The following TLK1 variants were observed in gnomAD, a reference collection of about 807,000 sequenced individuals.
The protein encoded by TLK1 is tousled like kinase 1, also known as serine/threonine-protein kinase tousled-like 1.
TLK1 carries 24 observed loss-of-function variants against 105.3 expected under a neutral mutation model. That is an observed-to-expected ratio of 0.23 (90% CI 0.17 to 0.32). The LOEUF is 0.32. Ranked by LOEUF, TLK1 falls within the 10% of genes least tolerant of loss-of-function variation. The probability of loss-of-function intolerance (pLI) is 1.00; values close to 1 mark genes in which losing one functional copy is unlikely to be tolerated. For synonymous variants in TLK1, 321 were observed against 310.4 expected (o/e 1.03, Z -0.36); for missense variants, 558 against 910.5 (o/e 0.61, Z 4.98).
In TLK1 at chr2:171,115,170, C is replaced by CTTTTTTTTTT. The variant is rs373796060; in HGVS notation, c.258+2568_258+2569insAAAAAAAAAA. On this transcript the variant is annotated intron_variant, in intron 2 of 20. Coordinates refer to ENST00000431350, the MANE Select transcript of TLK1 (RefSeq NM_012290.5). ...ATCTTGCTTCATCTTTTAAGAATTT[C>CTTTTTTTTTT]TTTCTTTTTTTTTTTTTTGAGACTG... Among the ~76,000 whole-genome samples the CTTTTTTTTTT allele has an allele frequency of 7.6e-4, 103 of 135,760 alleles. 12 individuals are homozygous for CTTTTTTTTTT. The highest frequency in any genetic ancestry group is 1.8e-3 in the African/African-American group (61 of 33,168). 89.1% of individuals were successfully genotyped at this position (135,760 alleles called of 152,430 possible). A position where few individuals can be genotyped will look rare whatever the true frequency, so the allele number is the denominator to read the frequency against.
intron 13 of TLK1, among the ~76,000 whole-genome samples, chr2:171,012,668 G>A (rs997225352): frequency 4.6e-5 from 7 of 152,062 alleles, no homozygotes; most frequent in Non-Finnish European, 1.0e-4. Context: ...TAATAAAGAC[G>A]GGGTTTCACC....
chr2:171,225,255 G>A (rs935583984), intron 1 of TLK1, among the ~76,000 whole-genome samples: 1 of 152,104 alleles, frequency 6.6e-6, no homozygotes, highest in Non-Finnish European at 1.5e-5. Context: ...GGTCTTGTAT[G>A]CAGAATATAT....
Position 170,991,238 on chromosome 2 carries a change from G to C in TLK1, c.*2542C>G, listed in dbSNP as rs1264228017. On this transcript the variant is annotated 3_prime_UTR_variant, in exon 21 of 21. Transcript: ENST00000431350. The stretch of plus-strand genomic sequence containing the variant: ...CCTTGGCTATCATCTTAGGGATGCA[G>C]GACATGCTTTAATTCTGAGGACAGA... 1 of 152,136 alleles carries C rather than the reference G, an allele frequency of 6.6e-6. No individual in the cohort carries two copies. The highest frequency in any genetic ancestry group is 1.5e-5 in the Non-Finnish European group (1 of 68,038). 9.4% of individuals were successfully genotyped at this position (152,136 alleles called of 1,614,324 possible).
intron 1 of TLK1, among the ~76,000 whole-genome samples, chr2:171,223,301 C>A (rs1179023347): frequency 6.6e-6 from 1 of 152,142 alleles, no homozygotes; most frequent in Non-Finnish European, 1.5e-5. Context: ...TTAATCCTCA[C>A]CAGCATCCAT....
intron 1 of TLK1, among the ~76,000 whole-genome samples, chr2:171,221,874 C>G (rs1297795363): frequency 2.6e-5 from 4 of 152,184 alleles, no homozygotes. Context: ...CTTATTTAAC[C>G]ATTATTACCT....
At chr2:171,168,516 A>G (rs558181993) in intron 1 of TLK1, among the ~76,000 whole-genome samples, 58 of 152,322 alleles carry the variant, frequency 3.8e-4, no homozygotes, top group African/African-American at 1.3e-3. Context: ...CATGCCTGTA[A>G]TCCCAGGACT....
At chr2:171,030,706 A>G (rs1171880761) in intron 11 of TLK1, among the ~76,000 whole-genome samples, 1 of 152,210 alleles carries the variant, frequency 6.6e-6, no homozygotes, top group Admixed American at 6.5e-5. Flanking sequence ...AGTAGGCCAT[A>G]GTATGGGCTC....
chr2:171,181,422 G>A (rs2105307908), intron 1 of TLK1, among the ~76,000 whole-genome samples: 1 of 152,312 alleles, frequency 6.6e-6, no homozygotes, highest in African/African-American at 2.4e-5. Context: ...GCATCAAAGA[G>A]TTTCTACGTC....
intron 14 of TLK1, among the ~76,000 whole-genome samples, chr2:171,010,880 T>C (rs558369686): frequency 6.6e-6 from 1 of 152,316 alleles, no homozygotes; most frequent in South Asian, 2.1e-4. Context: ...TGACTAGGTA[T>C]CAAATATCAC....
chr2:171,104,685 G>A (rs1307458687), intron 2 of TLK1, among the ~76,000 whole-genome samples: 1 of 152,182 alleles, frequency 6.6e-6, no homozygotes, highest in African/African-American at 2.4e-5. Flanking sequence ...TGGCCAGGCT[G>A]GTCTCAAACT....
At chr2:171,172,297 T>A (rs1334329796) in intron 1 of TLK1, among the ~76,000 whole-genome samples, 1 of 152,228 alleles carries the variant, frequency 6.6e-6, no homozygotes. Flanking sequence ...GGTAATGTTC[T>A]GTTTCTTAGT....
At chr2:171,149,971 A>C (rs1259042849) in intron 1 of TLK1, among the ~76,000 whole-genome samples, 3 of 152,190 alleles carry the variant, frequency 2.0e-5, no homozygotes, top group African/African-American at 7.2e-5. Flanking sequence ...ACTGTATAAT[A>C]AAAATTTTTA....
intron 13 of TLK1, among the ~76,000 whole-genome samples, chr2:171,012,785 T>C (rs772999659): frequency 7.9e-5 from 12 of 152,174 alleles, no homozygotes; most frequent in East Asian, 3.9e-4. Flanking sequence ...CCAAAATACA[T>C]TGTATTTTAT....
rs76618694 is a variant in TLK1 at position 171,221,858 on chromosome 2, T to C, written c.-6+9287A>G. Reference sequence around the variant, plus strand: ...CTATCCGGTTAGGGCCCTACCCTTATTGGGCCTTATTTAACCATTATTACC... The same window carrying C: ...CTATCCGGTTAGGGCCCTACCCTTACTGGGCCTTATTTAACCATTATTACC... On this transcript the variant is annotated intron_variant, in intron 1 of 20. Coordinates refer to the TLK1 transcript ENST00000521943. Among the ~76,000 whole-genome samples the C allele has an allele frequency of 2.6e-3, 400 of 152,336 alleles. 12 individuals are homozygous for C. In the East Asian group the frequency reaches 0.073, roughly 28 times the overall value.
intron 8 of TLK1, among the ~76,000 whole-genome samples, chr2:171,053,551 C>T (rs1337949505): frequency 3.9e-5 from 6 of 151,996 alleles, no homozygotes; most frequent in Non-Finnish European, 8.8e-5. Flanking sequence ...TTAGTAGAAA[C>T]GGGGTTTCAC....
At chr2:171,146,459 T>C (rs532804846) in intron 1 of TLK1, among the ~76,000 whole-genome samples, 2 of 152,320 alleles carry the variant, frequency 1.3e-5, no homozygotes, top group South Asian at 2.1e-4. Flanking sequence ...GAACAACTGG[T>C]ATTGAATTCA....
At chr2:171,189,993 A>G in intron 1 of TLK1, among the ~76,000 whole-genome samples, 1 of 152,246 alleles carries the variant, frequency 6.6e-6, no homozygotes, top group Non-Finnish European at 1.5e-5. Flanking sequence ...ATGGAAAGAG[A>G]TCTATCAGAC....
chr2:171,200,035 A>G (rs1002795526), intron 1 of TLK1, among the ~76,000 whole-genome samples: 1 of 152,214 alleles, frequency 6.6e-6, no homozygotes, highest in Non-Finnish European at 1.5e-5. Flanking sequence ...TCTAGCATAA[A>G]TGTGAGAGAC....
At chr2:171,129,154 TCTAAC>T (rs1690993904) in intron 1 of TLK1, among the ~76,000 whole-genome samples, 1 of 152,246 alleles carries the variant, frequency 6.6e-6, no homozygotes, top group African/African-American at 2.4e-5. Flanking sequence ...GTATCTTGTC[TCTAAC>T]CTAAGTACTC....
Sources: allele counts gnomAD v4.1 joint callset (sites outside exome capture counted in the v4.1 genomes callset), GRCh38; gene constraint gnomAD v4.1.1; transcripts MANE v1.5; gene names NCBI Gene and HGNC (gene_info 2026-07-23, HGNC 2026-07-21).